The following UNC5D variants were observed in gnomAD, a reference collection of about 807,000 sequenced individuals.
The protein encoded by UNC5D is unc-5 netrin receptor D.
UNC5D carries 39 observed loss-of-function variants against 105.4 expected under a neutral mutation model. That is an observed-to-expected ratio of 0.37 (90% CI 0.29 to 0.48). The LOEUF is 0.48. Ranked by LOEUF, UNC5D falls within the 20% of genes least tolerant of loss-of-function variation. The pLI is 0.98. For missense variants in UNC5D, 991 were observed against 1,202.4 expected, an observed-to-expected ratio of 0.82 and a Z score of 2.60; for synonymous variants, 452 against 450.4, an observed-to-expected ratio of 1.00 and a Z score of -0.04.
intron 1 of UNC5D, among the ~76,000 whole-genome samples, chr8:35,285,659 G>A (rs1806540715): frequency 6.6e-6 from 1 of 152,176 alleles, no homozygotes; most frequent in African/African-American, 2.4e-5. Flanking sequence ...AATCACTGCT[G>A]TATACAGGTT....
chr8:35,506,432 G>C (rs944790698), intron 1 of UNC5D, among the ~76,000 whole-genome samples: 3 of 152,148 alleles, frequency 2.0e-5, no homozygotes, highest in African/African-American at 7.2e-5. Context: ...AATTGCAGGG[G>C]CTTGATAAAG....
intron 1 of UNC5D, among the ~76,000 whole-genome samples, chr8:35,364,108 C>T (rs1801984982): frequency 6.6e-6 from 1 of 152,112 alleles, no homozygotes; most frequent in Non-Finnish European, 1.5e-5. Context: ...AGAGGCTGCA[C>T]TGAGCTGAGG....
intron 9 of UNC5D, 65 bp from the exon 10 acceptor site, chr8:35,726,087 A>G: frequency 6.5e-7 from 1 of 1,536,984 alleles, no homozygotes; most frequent in East Asian, 2.3e-5. Flanking sequence ...TTGCAGAGGC[A>G]GAAGTACAGG....
At chr8:35,681,622 T>A (rs1825673036) in intron 4 of UNC5D, among the ~76,000 whole-genome samples, 3 of 152,242 alleles carry the variant, frequency 2.0e-5, no homozygotes, top group Admixed American at 2.0e-4. Context: ...TGTTAGTACC[T>A]ACACTTCCAG....
intron 6 of UNC5D, among the ~76,000 whole-genome samples, 170 bp downstream of exon 6, chr8:35,684,919 G>A (rs1170815668): frequency 1.3e-5 from 2 of 152,142 alleles, no homozygotes; most frequent in African/African-American, 4.8e-5. Context: ...AGCAACATGG[G>A]TGAAATACCA....
At chr8:35,757,912 A>C (rs531154209) in intron 13 of UNC5D, among the ~76,000 whole-genome samples, 98 of 152,330 alleles carry the variant, frequency 6.4e-4, no homozygotes, top group African/African-American at 2.3e-3. Flanking sequence ...CAGTATGGTC[A>C]TTGCTAATCA....
At chr8:35,380,628 T>A (rs888770572) in intron 1 of UNC5D, among the ~76,000 whole-genome samples, 1 of 152,180 alleles carries the variant, frequency 6.6e-6, no homozygotes, top group African/African-American at 2.4e-5. Context: ...GATTCTGGCC[T>A]CTAGATTAGA....
At chr8:35,276,409 G>A (rs746338040) in intron 1 of UNC5D, among the ~76,000 whole-genome samples, 5 of 152,128 alleles carry the variant, frequency 3.3e-5, no homozygotes, top group Middle Eastern at 3.2e-3. Context: ...CGTAGACAAC[G>A]GATGTCAAGG....
intron 3 of UNC5D, among the ~76,000 whole-genome samples, chr8:35,586,930 A>G (rs752971243): frequency 3.3e-5 from 5 of 152,190 alleles, no homozygotes; most frequent in South Asian, 2.1e-4. Context: ...TTGTGCTACA[A>G]TGACTTTTCT....
intron 1 of UNC5D, among the ~76,000 whole-genome samples, chr8:35,350,069 AT>A (rs1176598986): frequency 7.3e-5 from 11 of 151,326 alleles, no homozygotes; most frequent in East Asian, 1.9e-4. Context: ...AAATTAATTT[AT>A]TTTTTTTGCC....
intron 1 of UNC5D, among the ~76,000 whole-genome samples, chr8:35,322,059 C>T (rs910663380): frequency 1.3e-5 from 2 of 152,064 alleles, no homozygotes; most frequent in South Asian, 2.1e-4. Context: ...AGTAGATGTT[C>T]GCTTTTATTA....
At chr8:35,588,057 AAATC>A (rs1818909230) in intron 3 of UNC5D, among the ~76,000 whole-genome samples, 2 of 148,350 alleles carry the variant, frequency 1.3e-5, no homozygotes, top group Non-Finnish European at 3.0e-5. Context: ...CCACATTTAA[AAATC>A]TATCTTTATG....
At position 35,245,823 on chromosome 8, in the gene UNC5D, T is replaced by C. The variant is rs867392462; in HGVS notation, c.103+9936T>C. Among the ~76,000 whole-genome samples the C allele has an allele frequency of 1.3e-4, 20 of 152,254 alleles. No homozygotes were observed. The Middle Eastern group carries it at 0.01, about 78-fold the overall frequency. Reference sequence around the variant, plus strand: ...GATATCTGTGTGTATTATATATTAGTAGAATGTCATATATCATCATCATAG... The same window carrying C: ...GATATCTGTGTGTATTATATATTAGCAGAATGTCATATATCATCATCATAG... On this transcript the variant is annotated intron_variant, in intron 1 of 16. Transcript: ENST00000404895.
At chr8:35,725,596 TTTTGCTCTGAGGAC>T (rs368239039) in intron 9 of UNC5D, among the ~76,000 whole-genome samples, 4 of 152,162 alleles carry the variant, frequency 2.6e-5, no homozygotes, top group Middle Eastern at 3.4e-3. Context: ...GCCCTGACCC[TTTTGCTCTGAGGAC>T]ACATCATTTC....
intron 1 of UNC5D, among the ~76,000 whole-genome samples, chr8:35,484,463 C>T (rs188123977): frequency 2.0e-5 from 3 of 152,242 alleles, no homozygotes; most frequent in East Asian, 3.9e-4. Context: ...CCTAACCAGT[C>T]TCCTCGCTCC....
At chr8:35,482,916 C>A (rs1810576814) in intron 1 of UNC5D, among the ~76,000 whole-genome samples, 1 of 149,324 alleles carries the variant, frequency 6.7e-6, no homozygotes, top group South Asian at 2.1e-4. Context: ...GATTCTCCTG[C>A]CGTGGCCCCC....
At chr8:35,617,205 G>A (rs959656504) in intron 4 of UNC5D, among the ~76,000 whole-genome samples, 50 of 152,314 alleles carry the variant, frequency 3.3e-4, no homozygotes, top group African/African-American at 1.1e-3. Context: ...CCTTTGCTGT[G>A]ATCCCCACAT....
intron 1 of UNC5D, among the ~76,000 whole-genome samples, chr8:35,328,586 C>G (rs948596348): frequency 6.6e-6 from 1 of 152,136 alleles, no homozygotes; most frequent in Non-Finnish European, 1.5e-5. Flanking sequence ...CTGTGGATCT[C>G]CTTTCTTATA....
chr8:35,639,967 G>A (rs572582300), intron 4 of UNC5D, among the ~76,000 whole-genome samples: 5 of 151,718 alleles, frequency 3.3e-5, no homozygotes, highest in Admixed American at 6.6e-5. Flanking sequence ...ATAAGCGATC[G>A]TCCTGCCTCA....
Sources: allele counts gnomAD v4.1 joint callset (sites outside exome capture counted in the v4.1 genomes callset), GRCh38; gene constraint gnomAD v4.1.1; transcripts MANE v1.5; gene names NCBI Gene and HGNC (gene_info 2026-07-23, HGNC 2026-07-21).